The following LYPLAL1 variants were observed in gnomAD, a reference collection of about 807,000 sequenced individuals.
LYPLAL1 encodes lysophospholipase-like protein 1.
Under a neutral mutation model 19.7 loss-of-function variants are expected in LYPLAL1, and 23 were observed. The ratio of observed to expected loss-of-function variants is 1.17; its 90% CI spans 0.84 to 1.65. The LOEUF (loss-of-function observed/expected upper bound fraction) is 1.65. LYPLAL1 is among the 40% of genes most tolerant of loss of function. The pLI is 0.00. For missense variants in LYPLAL1, 355 were observed against 279.4 expected, an observed-to-expected ratio of 1.27 and a Z score of -1.93; for synonymous variants, 119 against 96.3, an observed-to-expected ratio of 1.24 and a Z score of -1.38.
At chr1:219,210,119 T>A (rs1658890712) in intron 3 of LYPLAL1, among the ~76,000 whole-genome samples, 1 of 152,156 alleles carries the variant, frequency 6.6e-6, no homozygotes, top group Admixed American at 6.6e-5. Flanking sequence ...TAACTCCTTA[T>A]GGAGCTCACA....
the LYPLAL1 span, among the ~76,000 whole-genome samples, chr1:219,403,805 T>C: frequency 3.9e-5 from 6 of 152,230 alleles, no homozygotes; most frequent in Admixed American, 3.9e-4. Flanking sequence ...GAACTTTCAA[T>C]GAGCCATTTA....
chr1:219,211,483 C>T lies in LYPLAL1; in HGVS notation c.478-9C>T. ...TTAAACTTTTCTGTCTTTGTATCTTCTTCTCTAGGCTCTTCAGAAGAGTAA... is the reference window on the plus strand; with the variant it reads ...TTAAACTTTTCTGTCTTTGTATCTTTTTCTCTAGGCTCTTCAGAAGAGTAA... On this transcript the variant is annotated splice_polypyrimidine_tract_variant and intron_variant, in intron 4 of 4. Transcript: ENST00000366928. The T allele has an allele frequency of 6.6e-7, 1 of 1,506,448 alleles. No homozygotes were observed. Among genetic ancestry groups the T allele is most frequent in the Non-Finnish European group, 9.1e-7 (1 of 1,104,884 alleles). The allele number at this position is 1,506,448 out of a possible 1,614,324, so 93.3% of individuals were successfully genotyped here.
chr1:219,373,371 T>A, the LYPLAL1 span, among the ~76,000 whole-genome samples: 21 of 152,312 alleles, frequency 1.4e-4, no homozygotes, highest in East Asian at 4.1e-3. Flanking sequence ...TTTCACATCA[T>A]AATGGGATTT....
In LYPLAL1 at chr1:219,211,720, C is replaced by T; in HGVS notation, c.706C>T (p.Gln236Ter). ...LTKLPGEMEK[Q>*]K ...AAAGCTGCCAGGAGAAATGGAAAAA[C>T]AAAAATGAATGAATCAAGAGTGATT... is the stretch of plus-strand genomic sequence containing the variant. The change falls in exon 5 of 5, where the codon CAA (glutamine) becomes TAA (stop). Residue 236 changes from glutamine (Q) to a stop codon, truncating the protein, a stop_gained. Transcript: ENST00000366928. LOFTEE classifies it high-confidence loss of function. 6.3e-7 allele frequency: 1 copy of T among 1,592,280 alleles called. No individual in the cohort carries two copies. Among genetic ancestry groups the T allele is most frequent in the Non-Finnish European group, 8.6e-7 (1 of 1,168,380 alleles).
chr1:219,188,890 T>G (rs1309433415), intron 2 of LYPLAL1, among the ~76,000 whole-genome samples: 1 of 151,752 alleles, frequency 6.6e-6, no homozygotes, highest in African/African-American at 2.4e-5. Context: ...TATGTGATAG[T>G]TTTTAGCTGT....
At chr1:219,307,023 C>CATATATATATATATATAT in the LYPLAL1 span, among the ~76,000 whole-genome samples, 2 of 119,462 alleles carry the variant, frequency 1.7e-5, no homozygotes, top group African/African-American at 5.8e-5. Context: ...TATACACATA[C>CATATATATATATATATAT]ATATATATAT....
At chr1:219,383,852 C>A in the LYPLAL1 span, among the ~76,000 whole-genome samples, 1 of 152,208 alleles carries the variant, frequency 6.6e-6, no homozygotes, top group African/African-American at 2.4e-5. Context: ...TAGAGGCAGA[C>A]AGACCTTGCA....
At chr1:219,388,580 G>A in the LYPLAL1 span, among the ~76,000 whole-genome samples, 4 of 152,108 alleles carry the variant, frequency 2.6e-5, no homozygotes, top group African/African-American at 4.8e-5. Context: ...GGAAGGGTTC[G>A]ATTCTGTCAG....
chr1:219,178,948 A>C (rs1656038343), intron 1 of LYPLAL1, among the ~76,000 whole-genome samples, 199 bp from the exon 2 acceptor site: 2 of 152,188 alleles, frequency 1.3e-5, no homozygotes, highest in Admixed American at 1.3e-4. Flanking sequence ...GGAGTAAAAT[A>C]ATCAAAATTA....
At position 219,211,735 on chromosome 1, in the gene LYPLAL1, C is replaced by T. The variant is rs1037791096; in HGVS notation, c.*7C>T. 9.0e-6 allele frequency: 14 copies of T among 1,561,360 alleles called. No individual in the cohort carries two copies. Among genetic ancestry groups the T allele is most frequent in the South Asian group, 2.3e-5 (2 of 86,918 alleles). ...AATGGAAAAACAAAAATGAATGAAT[C>T]AAGAGTGATTTGTTAATGTAAGTGT... On this transcript the variant is annotated 3_prime_UTR_variant, in exon 5 of 5. Transcript: ENST00000366928.
At chr1:219,253,593 G>T in the LYPLAL1 span, among the ~76,000 whole-genome samples, 1 of 144,576 alleles carries the variant, frequency 6.9e-6, no homozygotes, top group Non-Finnish European at 1.5e-5. Flanking sequence ...TTTTTTTAGT[G>T]ATTTTCATAG....
At chr1:219,242,451 G>A in the LYPLAL1 span, among the ~76,000 whole-genome samples, 1 of 152,150 alleles carries the variant, frequency 6.6e-6, no homozygotes, top group Non-Finnish European at 1.5e-5. Context: ...AGAGACAGAA[G>A]CAGGGCCTAT....
At chr1:219,194,227 T>G (rs1657426326) in intron 3 of LYPLAL1, among the ~76,000 whole-genome samples, 1 of 151,928 alleles carries the variant, frequency 6.6e-6, no homozygotes, top group South Asian at 2.1e-4. Context: ...TATTTCTGTG[T>G]TTCCATGTTT....
chr1:219,377,943 T>A, the LYPLAL1 span, among the ~76,000 whole-genome samples: 47 of 152,190 alleles, frequency 3.1e-4, no homozygotes, highest in African/African-American at 1.1e-3. Flanking sequence ...ACTAATTCAA[T>A]TCTGCAACTG....
chr1:219,354,991 A>T, the LYPLAL1 span, among the ~76,000 whole-genome samples: 4 of 152,240 alleles, frequency 2.6e-5, no homozygotes. Context: ...GAGTGGAAAA[A>T]TAGATGAATA....
At chr1:219,311,739 A>C in the LYPLAL1 span, among the ~76,000 whole-genome samples, 1 of 152,184 alleles carries the variant, frequency 6.6e-6, no homozygotes, top group African/African-American at 2.4e-5. Flanking sequence ...AATGGTGAGA[A>C]TTTGAATATA....
At chr1:219,426,986 A>C in the LYPLAL1 span, among the ~76,000 whole-genome samples, 2 of 152,260 alleles carry the variant, frequency 1.3e-5, no homozygotes, top group East Asian at 3.8e-4. Context: ...AAGGAACAAA[A>C]CTGTGAATCA....
the LYPLAL1 span, among the ~76,000 whole-genome samples, chr1:219,407,134 A>T: frequency 6.6e-6 from 1 of 152,244 alleles, no homozygotes; most frequent in Non-Finnish European, 1.5e-5. Flanking sequence ...TTTTTCCAGA[A>T]ATGCTTAGCA....
At chr1:219,377,745 G>T in the LYPLAL1 span, among the ~76,000 whole-genome samples, 2 of 152,142 alleles carry the variant, frequency 1.3e-5, 1 homozygote, top group South Asian at 4.2e-4. Flanking sequence ...TAAAGAAACT[G>T]CAAAGTTAAA....
Sources: gnomAD v4.1 joint callset for allele counts (sites outside exome capture counted in the v4.1 genomes callset) on GRCh38, gnomAD v4.1.1 for gene constraint, MANE v1.5 for transcripts, NCBI Gene and HGNC (gene_info 2026-07-23, HGNC 2026-07-21) for gene names.